Variants in LHFPL1 observed in about 807,000 individuals in gnomAD.
The protein encoded by LHFPL1 is LHFPL tetraspan subfamily member 1.
In LHFPL1, 4 loss-of-function variants were observed where a neutral mutation model predicts 12.1. The ratio of observed to expected loss-of-function variants is 0.33; its 90% CI spans 0.16 to 0.76. LHFPL1 has a LOEUF of 0.76. Ranked by LOEUF, LHFPL1 falls within the 30% of genes least tolerant of loss-of-function variation. The pLI, the probability that LHFPL1 is intolerant of heterozygous loss-of-function variation, is 0.61. For missense variants in LHFPL1, 141 were observed against 174.1 expected (o/e 0.81, Z 1.07); for synonymous variants, 52 against 61.9 (o/e 0.84, Z 0.75).
At chrX:112,642,162 C>T (rs1181194154) in intron 3 of LHFPL1, among the ~76,000 whole-genome samples, 24 of 105,911 alleles carry the variant, frequency 2.3e-4, no homozygotes, top group African/African-American at 7.9e-4. Flanking sequence ...AAACCCATTT[C>T]ACTTTATTAA....
At chrX:112,647,165 T>C (rs1189965417) in intron 3 of LHFPL1, among the ~76,000 whole-genome samples, 1 of 112,098 alleles carries the variant, frequency 8.9e-6, no homozygotes. Context: ...CACGACAGTT[T>C]TATAAGCTTA....
intron 3 of LHFPL1, among the ~76,000 whole-genome samples, chrX:112,651,083 A>G (rs1375548770): frequency 1.8e-5 from 2 of 112,142 alleles, no homozygotes; most frequent in Non-Finnish European, 3.8e-5. Context: ...TCTTGTATGT[A>G]TAGTGAGTGC....
chrX:112,656,663 G>C (rs921465421), intron 3 of LHFPL1, among the ~76,000 whole-genome samples: 4 of 112,407 alleles, frequency 3.6e-5, no homozygotes, highest in African/African-American at 1.3e-4. Flanking sequence ...AAGGAGTTCA[G>C]CAAGGTTGCA....
Position 112,671,368 on chromosome X carries a change from A to G in LHFPL1, c.23T>C (p.Val8Ala), listed in dbSNP as rs751085374. The change falls in exon 2 of 4, where the codon GTG becomes GCG. Residue 8 changes from valine (V) to alanine (A), a missense_variant. Coordinates refer to ENST00000371968, the MANE Select transcript of LHFPL1 (RefSeq NM_178175.4). MRSSLTM[V>A]GTLWAFLSLV... ...GGACAGGAAGGCCCAGAGGGTTCCC[A>G]CCATGGTCAGGCTGCTCCTCATGGT... 8.3e-7 allele frequency: 1 copy of G among 1,211,965 alleles called. No homozygotes were observed. Among genetic ancestry groups the G allele is most frequent in the Non-Finnish European group, 1.1e-6 (1 of 895,556 alleles).
chrX:112,649,603 C>T (rs1239238688), intron 3 of LHFPL1, among the ~76,000 whole-genome samples: 1 of 111,761 alleles, frequency 8.9e-6, no homozygotes, highest in Non-Finnish European at 1.9e-5. Flanking sequence ...GAAAAATACA[C>T]GAGAGATAAA....
At chrX:112,632,989 G>C (rs1156936309) in intron 3 of LHFPL1, among the ~76,000 whole-genome samples, 3 of 111,946 alleles carry the variant, frequency 2.7e-5, no homozygotes, top group African/African-American at 9.8e-5. Flanking sequence ...GCCCTCCCTT[G>C]ATTCACTCCG....
intron 2 of LHFPL1, among the ~76,000 whole-genome samples, chrX:112,668,743 T>C (rs1177489282): frequency 1.8e-5 from 2 of 112,689 alleles, no homozygotes; most frequent in African/African-American, 6.5e-5. Flanking sequence ...CTATCAACAA[T>C]TTCCTTTGAG....
chrX:112,636,048 AG>A (rs1034352347), intron 3 of LHFPL1, among the ~76,000 whole-genome samples: 4 of 110,647 alleles, frequency 3.6e-5, no homozygotes, highest in African/African-American at 1.3e-4. Flanking sequence ...GTGTGGGGGC[AG>A]GGGCAGGGGG....
At chrX:112,679,766 G>A (rs1931753294) in intron 1 of LHFPL1, 63 bp downstream of exon 1, 1 of 111,589 alleles carries the variant, frequency 9.0e-6, no homozygotes, top group African/African-American at 3.3e-5. Context: ...CTGAGCAAGG[G>A]GAGAGCAAAG....
intron 2 of LHFPL1, 89 bp from the exon 3 acceptor site, chrX:112,660,814 G>C (rs1931164571): frequency 1.6e-6 from 1 of 641,957 alleles, no homozygotes; most frequent in African/African-American, 2.2e-5. Flanking sequence ...CTCAAATTCT[G>C]CCTCCTCAAC....
At position 112,639,592 on chromosome X, in the gene LHFPL1, A is replaced by G. The variant is rs149522202; in HGVS notation, c.482-7991T>C. 3.4e-3 allele frequency among the ~76,000 whole-genome samples: 379 copies of G among 111,885 alleles called. 5 individuals carry two copies. Among genetic ancestry groups the G allele is most frequent in the African/African-American group, 0.011 (339 of 30,798 alleles). The stretch of plus-strand genomic sequence containing the variant: ...CTGATTTTTCTTTTCTCTCTCACAC[A>G]CTTCTGCCGAACAAATTGAGTCCTT... On this transcript the variant is annotated intron_variant, in intron 3 of 3. Coordinates refer to ENST00000371968, the MANE Select transcript of LHFPL1 (RefSeq NM_178175.4).
rs1931164859 is a variant in LHFPL1 at position 112,660,834 on chromosome X, A to G, written c.383-109T>C. 1.3e-5 allele frequency: 7 copies of G among 536,630 alleles called. No individual in the cohort carries two copies. In the South Asian group the frequency reaches 2.4e-4, roughly 18 times the overall value. 44.2% of individuals were successfully genotyped at this position (536,630 alleles called of 1,213,427 possible). A position where few individuals can be genotyped will look rare whatever the true frequency, so the allele number is the denominator to read the frequency against. Reference sequence around the variant, plus strand: ...ATTCTGCCTCCTCAACTGAGCTTACACTTCCCCCTTTACCCTAAATTTCTA... The same window carrying G: ...ATTCTGCCTCCTCAACTGAGCTTACGCTTCCCCCTTTACCCTAAATTTCTA... On this transcript the variant is annotated intron_variant, in intron 2 of 3. Transcript: ENST00000371968.
intron 1 of LHFPL1, among the ~76,000 whole-genome samples, chrX:112,679,453 G>A (rs1047039644): frequency 1.8e-5 from 2 of 111,312 alleles, no homozygotes; most frequent in African/African-American, 6.5e-5. Flanking sequence ...TTAGCAAACC[G>A]GATCCATTTT....
chrX:112,668,782 G>A (rs979602450), intron 2 of LHFPL1, among the ~76,000 whole-genome samples: 20 of 112,302 alleles, frequency 1.8e-4, no homozygotes, highest in African/African-American at 6.5e-4. Flanking sequence ...GAAATCAACT[G>A]AAATGCATCA....
Position 112,630,764 on chromosome X carries a change from C to T in LHFPL1, c.*656G>A, listed in dbSNP as rs1930165102. On this transcript the variant is annotated 3_prime_UTR_variant, in exon 4 of 4. Transcript: ENST00000371968. ...CTAAAGGATGAGAGAATATTTGCTA[C>T]TATATATTTTTTTTGCTCATCACCC... The T allele has an allele frequency of 1.8e-5, 2 of 111,438 alleles. No individual in the cohort carries two copies. Among genetic ancestry groups the T allele is most frequent in the African/African-American group, 6.5e-5 (2 of 30,644 alleles). 9.2% of individuals were successfully genotyped at this position (111,438 alleles called of 1,213,427 possible). A position where few individuals can be genotyped will look rare whatever the true frequency, so the allele number is the denominator to read the frequency against.
chrX:112,652,129 CT>C (rs2147711402), intron 3 of LHFPL1, among the ~76,000 whole-genome samples: 1 of 112,588 alleles, frequency 8.9e-6, no homozygotes, highest in South Asian at 3.6e-4. Flanking sequence ...TAAATCTTAC[CT>C]TCTTAGAGAG....
chrX:112,655,713 G>T (rs745559712), intron 3 of LHFPL1, among the ~76,000 whole-genome samples: 1 of 111,462 alleles, frequency 9.0e-6, no homozygotes, highest in Non-Finnish European at 1.9e-5. Context: ...GACTATAGGT[G>T]AACATCACCA....
chrX:112,673,814 C>T (rs1441981884), intron 1 of LHFPL1, among the ~76,000 whole-genome samples: 1 of 111,669 alleles, frequency 9.0e-6, no homozygotes, highest in Non-Finnish European at 1.9e-5. Context: ...TTAAAAGCCT[C>T]CATGATTTCC....
intron 3 of LHFPL1, among the ~76,000 whole-genome samples, chrX:112,649,951 G>A (rs768709460): frequency 9.6e-6 from 1 of 104,285 alleles, no homozygotes; most frequent in Non-Finnish European, 1.9e-5. Context: ...TTTCATGTGT[G>A]GAACAAATAA....
Sources: gnomAD v4.1 joint callset for allele counts (sites outside exome capture counted in the v4.1 genomes callset) on GRCh38, gnomAD v4.1.1 for gene constraint, MANE v1.5 for transcripts, NCBI Gene and HGNC (gene_info 2026-07-23, HGNC 2026-07-21) for gene names.